LRRFIP2: variants seen among roughly 807,000 people sequenced by gnomAD.
LRRFIP2 encodes LRR binding FLII interacting protein 2.
A neutral mutation model predicts 125.9 loss-of-function variants in LRRFIP2; 109 were observed. That is an observed-to-expected ratio of 0.87 (90% confidence interval 0.74 to 1.01). LRRFIP2 has a LOEUF of 1.01. Among genes scored for constraint, LRRFIP2 ranks in the 50% least tolerant of loss-of-function variants. The pLI, the probability that LRRFIP2 is intolerant of heterozygous loss-of-function variation, is 0.00. For missense variants in LRRFIP2, 850 were observed against 862.3 expected (o/e 0.99, Z 0.18); for synonymous variants, 291 against 293.1 (o/e 0.99, Z 0.07).
chr3:37,054,554 T>C, intron 26 of LRRFIP2, 39 bp from the exon 27 acceptor site: 1 of 1,356,324 alleles, frequency 7.4e-7, no homozygotes, highest in African/African-American at 1.5e-5. Context: ...TACTGGGCAC[T>C]AGAAGTCACC....
upstream of LRRFIP2, chr3:37,175,011 A>G (rs933683677): frequency 1.3e-5 from 2 of 152,252 alleles, no homozygotes; most frequent in African/African-American, 4.8e-5. Context: ...TATTCAAACC[A>G]CAACAACCGT....
chr3:37,121,417 A>C (rs1449063476), intron 6 of LRRFIP2, 75 bp downstream of exon 6: 2 of 1,354,304 alleles, frequency 1.5e-6, no homozygotes, highest in Non-Finnish European at 2.1e-6. Flanking sequence ...GAACATTGTC[A>C]GATTGTTTAG....
chr3:37,098,553 T>TA (rs1285521924), intron 15 of LRRFIP2, among the ~76,000 whole-genome samples: 2 of 151,888 alleles, frequency 1.3e-5, no homozygotes, highest in African/African-American at 4.8e-5. Context: ...CACGCCCGGC[T>TA]AATTTTTTTT....
intron 1 of LRRFIP2, among the ~76,000 whole-genome samples, chr3:37,165,831 AAGAAAGAAAGAAAGAAAGAAAGAAAG>A: frequency 6.7e-6 from 1 of 150,056 alleles, no homozygotes; most frequent in Non-Finnish European, 1.5e-5. Flanking sequence ...GAAAGAAAGA[AAGAAAGAAAGAAAGAAAGAAAGAAAG>A]AGAAAGAAAG....
chr3:37,154,342 ATGTAG>A (rs1170258388), intron 1 of LRRFIP2, among the ~76,000 whole-genome samples: 1 of 152,216 alleles, frequency 6.6e-6, no homozygotes, highest in Non-Finnish European at 1.5e-5. Flanking sequence ...AAAACTGAGA[ATGTAG>A]ACTCAAAGGA....
At chr3:37,162,476 T>C (rs955032463) in intron 1 of LRRFIP2, among the ~76,000 whole-genome samples, 1 of 152,200 alleles carries the variant, frequency 6.6e-6, no homozygotes, top group Non-Finnish European at 1.5e-5. Flanking sequence ...AGGAAAATTA[T>C]AGACAATCTA....
Position 37,072,801 on chromosome 3 carries a change from T to A in LRRFIP2, c.1453A>T (p.Lys485Ter). Residue 485 changes from lysine to a stop codon, truncating the protein, a stop_gained, in exon 21 of 28, where the codon AAA (lysine) becomes TAA (stop). Transcript: ENST00000336686. LOFTEE classifies it high-confidence loss of function. ...DLQETLLWKD[K>*]KIGALEKQKE... ...ATTTCATTTCATACCCCAATTTTTT[T>A]ATCTTTCCAAAGAAGTGTCTCCTGG... The A allele has an allele frequency of 1.2e-6, 2 of 1,611,678 alleles. No individual in the cohort carries two copies. The highest frequency in any genetic ancestry group is 1.1e-5 in the South Asian group (1 of 90,886).
At chr3:37,061,467 G>A (rs909826011) in intron 24 of LRRFIP2, among the ~76,000 whole-genome samples, 1 of 150,004 alleles carries the variant, frequency 6.7e-6, no homozygotes, top group Non-Finnish European at 1.5e-5. Flanking sequence ...GTGCAGTGGC[G>A]CAATCTTGGC....
At chr3:37,121,719 T>G in intron 4 of LRRFIP2, 28 bp from the exon 5 acceptor site, 1 of 1,606,630 alleles carries the variant, frequency 6.2e-7, no homozygotes, top group Non-Finnish European at 8.5e-7. Context: ...ACATGGAGAG[T>G]TAATCACTGA....
At chr3:37,096,054 C>T (rs970246335) in intron 16 of LRRFIP2, among the ~76,000 whole-genome samples, 6 of 152,066 alleles carry the variant, frequency 3.9e-5, no homozygotes, top group Admixed American at 1.3e-4. Flanking sequence ...AATGTGGCTA[C>T]CAGAAAATTT....
chr3:37,065,260 G>T, intron 23 of LRRFIP2: 1 of 203,468 alleles, frequency 4.9e-6, no homozygotes, highest in South Asian at 9.1e-5. Flanking sequence ...CTGGAGAGAG[G>T]TGTCAGATTC....
intron 4 of LRRFIP2, among the ~76,000 whole-genome samples, chr3:37,123,197 G>GTTT (rs2095133536): frequency 6.6e-6 from 1 of 151,468 alleles, no homozygotes; most frequent in African/African-American, 2.4e-5. Flanking sequence ...TGTTGTTGTT[G>GTTT]TTGTTTTTTG....
intron 6 of LRRFIP2, 107 bp downstream of exon 6, chr3:37,121,385 T>C (rs1433981081): frequency 8.4e-6 from 9 of 1,065,614 alleles, no homozygotes; most frequent in Non-Finnish European, 1.3e-5. Context: ...TATACTTCTT[T>C]TAAAAACGCA....
At chr3:37,085,784 A>G in intron 18 of LRRFIP2, among the ~76,000 whole-genome samples, 1 of 151,774 alleles carries the variant, frequency 6.6e-6, no homozygotes, top group East Asian at 2.0e-4. Context: ...GGGTTTCACT[A>G]TGTTGGCCAG....
chr3:37,084,066 G>GA (rs1398688003), intron 18 of LRRFIP2, among the ~76,000 whole-genome samples: 2 of 152,242 alleles, frequency 1.3e-5, no homozygotes, highest in East Asian at 3.9e-4. Context: ...TCTGAAAGAT[G>GA]AAAAGAATTG....
chr3:37,096,474 T>C (rs2093724033), intron 16 of LRRFIP2, 142 bp downstream of exon 16: 1 of 581,582 alleles, frequency 1.7e-6, no homozygotes. Flanking sequence ...CGAAGGAATT[T>C]TGGAGGGTCA....
At chr3:37,157,230 C>T (rs1189968631) in intron 1 of LRRFIP2, among the ~76,000 whole-genome samples, 1 of 151,822 alleles carries the variant, frequency 6.6e-6, no homozygotes, top group Non-Finnish European at 1.5e-5. Context: ...ATCACTTGAG[C>T]CCAAGGGTTC....
chr3:37,090,289 C>T (rs2093355607), intron 18 of LRRFIP2, among the ~76,000 whole-genome samples: 1 of 152,058 alleles, frequency 6.6e-6, no homozygotes, highest in Non-Finnish European at 1.5e-5. Context: ...AGTGAAATGG[C>T]ACCATCTCAG....
At chr3:37,102,238 G>A (rs969807006) in intron 15 of LRRFIP2, among the ~76,000 whole-genome samples, 7 of 152,004 alleles carry the variant, frequency 4.6e-5, no homozygotes, top group African/African-American at 1.7e-4. Context: ...TTCAGTTACA[G>A]ATACATATTG....
Sources: allele counts gnomAD v4.1 joint callset (sites outside exome capture counted in the v4.1 genomes callset), GRCh38; gene constraint gnomAD v4.1.1; transcripts MANE v1.5; gene names NCBI Gene and HGNC (gene_info 2026-07-23, HGNC 2026-07-21).